Variants in CAMLG observed in about 807,000 individuals in gnomAD.
CAMLG encodes the protein guided entry of tail-anchored proteins factor CAMLG.
CAMLG carries 23 observed loss-of-function variants against 28.9 expected under a neutral mutation model. The observed-to-expected ratio is 0.80, with a 90% CI of 0.57 to 1.13. The LOEUF is 1.13. CAMLG is among the 50% of genes most tolerant of loss of function. CAMLG has a pLI of 0.00. For synonymous variants in CAMLG, 141 were observed against 146.5 expected (o/e 0.96, Z 0.27); for missense variants, 367 against 371.9 (o/e 0.99, Z 0.11).
chr5:134,739,303 A>G (rs192090074), intron 1 of CAMLG, among the ~76,000 whole-genome samples: 90 of 152,216 alleles, frequency 5.9e-4, no homozygotes, highest in African/African-American at 2.1e-3. Context: ...TACGTGTATC[A>G]GGGACTCTTG....
chr5:134,744,123 T>G, intron 3 of CAMLG, 71 bp downstream of exon 3: 1 of 702,666 alleles, frequency 1.4e-6, no homozygotes, highest in Non-Finnish European at 2.5e-6. Flanking sequence ...TTGAAGGAAC[T>G]TAAAAATGTT....
chr5:134,741,767 C>T (rs1752989193), intron 2 of CAMLG, among the ~76,000 whole-genome samples: 1 of 152,192 alleles, frequency 6.6e-6, no homozygotes. Context: ...TATGTGGATT[C>T]AACCAATTGT....
intron 3 of CAMLG, among the ~76,000 whole-genome samples, chr5:134,747,346 G>A (rs1182012481): frequency 6.6e-6 from 1 of 151,666 alleles, no homozygotes; most frequent in Non-Finnish European, 1.5e-5. Context: ...CTGTTTTAAG[G>A]TTCTTTAGGT....
chr5:134,749,277 C>T (rs1466560587), intron 3 of CAMLG, among the ~76,000 whole-genome samples: 1 of 152,046 alleles, frequency 6.6e-6, no homozygotes, highest in African/African-American at 2.4e-5. Flanking sequence ...ACCATATTGG[C>T]CAGGCTGGTC....
rs1422495495 is a variant in CAMLG at position 134,738,803 on chromosome 5, C to G, written c.172+11C>G. 3.1e-6 allele frequency: 5 copies of G among 1,613,488 alleles called. No individual in the cohort carries two copies. Among genetic ancestry groups the G allele is most frequent in the East Asian group, 2.2e-5 (1 of 44,862 alleles). ...CCGGGAGCGGCGCGGGTAAGAGCCTCGATTTCCCCTCAGTCTCCCGCCCAT... is the reference window on the plus strand; with the variant it reads ...CCGGGAGCGGCGCGGGTAAGAGCCTGGATTTCCCCTCAGTCTCCCGCCCAT... On this transcript the variant is annotated intron_variant, in intron 1 of 3. Coordinates refer to ENST00000297156, the MANE Select transcript of CAMLG (RefSeq NM_001745.4).
intron 1 of CAMLG, among the ~76,000 whole-genome samples, chr5:134,739,418 A>T (rs1752957410): frequency 6.6e-6 from 1 of 152,160 alleles, no homozygotes; most frequent in Admixed American, 6.5e-5. Flanking sequence ...GAGACCCAGC[A>T]AGTGCGAAGT....
chr5:134,750,644 CATT>C, intron 3 of CAMLG, 112 bp from the exon 4 acceptor site: 1 of 643,820 alleles, frequency 1.6e-6, no homozygotes, highest in Non-Finnish European at 2.7e-6. Context: ...TTTGAAACAT[CATT>C]AACAGTTTTT....
chr5:134,739,251 C>G (rs1490705011), intron 1 of CAMLG, among the ~76,000 whole-genome samples: 1 of 152,192 alleles, frequency 6.6e-6, no homozygotes, highest in African/African-American at 2.4e-5. Flanking sequence ...TCCTGTCCGC[C>G]CACATCAGCC....
At chr5:134,743,220 C>T (rs1046071163) in intron 2 of CAMLG, among the ~76,000 whole-genome samples, 8 of 152,110 alleles carry the variant, frequency 5.3e-5, no homozygotes, top group African/African-American at 1.7e-4. Flanking sequence ...AATTAATTCC[C>T]TCTGGGTGAC....
Position 134,747,980 on chromosome 5 carries a change from G to C in CAMLG, c.700-2779G>C, listed in dbSNP as rs570864358. Among the ~76,000 whole-genome samples, 4 of 151,402 alleles carry C rather than the reference G, an allele frequency of 2.6e-5. No individual in the cohort carries two copies. The East Asian group carries it at 7.9e-4, about 30-fold the overall frequency. ...AGGTTCAAGCGATTCCCCTGCCTCA[G>C]CCTCCCAAGTAGCTGGGATTACAGG... On this transcript the variant is annotated intron_variant, in intron 3 of 3. Transcript: ENST00000297156.
chr5:134,738,823 GC>G, intron 1 of CAMLG, 31 bp downstream of exon 1: 1 of 1,608,944 alleles, frequency 6.2e-7, no homozygotes, highest in East Asian at 2.2e-5. Flanking sequence ...TCAGTCTCCC[GC>G]CCATCACCTT....
At position 134,750,933 on chromosome 5, in the gene CAMLG, G is replaced by A. The variant is rs1050612240; in HGVS notation, c.874G>A (p.Gly292Ser). 2 of 1,613,020 alleles carry A rather than the reference G, an allele frequency of 1.2e-6. No individual in the cohort carries two copies. The highest frequency in any genetic ancestry group is 1.7e-6 in the Non-Finnish European group (2 of 1,179,626). ...TTGTCATGAACTGCTTGATTATTGGGGCTCTGAAGTACCATGAAGCCTGTA... is the reference window on the plus strand; with the variant it reads ...TTGTCATGAACTGCTTGATTATTGGAGCTCTGAAGTACCATGAAGCCTGTA... ...IFCHELLDYW[G>S]SEVP The change falls in exon 4 of 4, where the codon GGC (glycine) becomes AGC (serine). Residue 292 changes from glycine to serine, a missense_variant. Physicochemically the swap from Gly to Ser is moderately conservative, Grantham distance 56 (BLOSUM62 0). Transcript: ENST00000297156.
intron 3 of CAMLG, among the ~76,000 whole-genome samples, chr5:134,745,744 C>G (rs2150121778): frequency 6.8e-6 from 1 of 146,908 alleles, no homozygotes; most frequent in East Asian, 2.0e-4. Flanking sequence ...CAGAGCGAGA[C>G]TGTCTCAAAA....
chr5:134,749,251 G>T (rs1028122275), intron 3 of CAMLG, among the ~76,000 whole-genome samples: 5 of 151,962 alleles, frequency 3.3e-5, no homozygotes, highest in Non-Finnish European at 7.4e-5. Flanking sequence ...TGTATTTTTA[G>T]TAGAGACGAG....
chr5:134,741,499 CAG>C lies in CAMLG; in HGVS notation c.612_613del (p.Arg204SerfsTer31). 2 of 1,607,682 alleles carry C rather than the reference CAG, an allele frequency of 1.2e-6. No individual in the cohort carries two copies. Among genetic ancestry groups the C allele is most frequent in the Non-Finnish European group, 1.7e-6 (2 of 1,175,586 alleles). On this transcript the variant is annotated frameshift_variant, in exon 2 of 4. Transcript: ENST00000297156. LOFTEE classifies it high-confidence loss of function. ...GATGTGCTCTTCTTGCTCTTGGAGT[CAG>C]AGCTTTTGTTTGCAAATACTTGGTA... ...VGCALLALGV[R>X]AFVCKYLSIF...
intron 2 of CAMLG, 89 bp downstream of exon 2, chr5:134,741,612 G>A: frequency 2.5e-6 from 2 of 809,714 alleles, no homozygotes; most frequent in Non-Finnish European, 4.0e-6. Flanking sequence ...AGAAGTCATT[G>A]CCAGTATTAA....
chr5:134,742,735 A>C (rs1424492304), intron 2 of CAMLG, among the ~76,000 whole-genome samples: 3 of 152,086 alleles, frequency 2.0e-5, no homozygotes, highest in Non-Finnish European at 4.4e-5. Context: ...ATTAAGCAAA[A>C]CAGTTTTTGT....
chr5:134,741,106 A>G lies in CAMLG; in HGVS notation c.216A>G (p.Lys72=). Residue 72 remains lysine (K), a synonymous_variant, in exon 2 of 4, where the codon AAA becomes AAG. Transcript: ENST00000297156. ...QTKSKQQDSD[K]LNSLSVPSVS... ...AATCAAAGCAGCAGGACAGTGATAA[A>G]CTGAACTCCCTCAGCGTTCCTTCCG... 2 of 1,614,152 alleles carry G rather than the reference A, an allele frequency of 1.2e-6. 1 individual carries two copies. The highest frequency in any genetic ancestry group is 1.7e-6 in the Non-Finnish European group (2 of 1,179,970).
intron 2 of CAMLG, 95 bp from the exon 3 acceptor site, chr5:134,743,892 A>C: frequency 1.5e-6 from 1 of 648,616 alleles, no homozygotes; most frequent in South Asian, 1.8e-5. Flanking sequence ...ACATTTTCTT[A>C]CAGCTTTTGC....
Sources: gnomAD v4.1 joint callset for allele counts (sites outside exome capture counted in the v4.1 genomes callset) on GRCh38, gnomAD v4.1.1 for gene constraint, MANE v1.5 for transcripts, NCBI Gene and HGNC (gene_info 2026-07-23, HGNC 2026-07-21) for gene names.